Variants in MAP1B observed in about 807,000 individuals in gnomAD.
The protein encoded by MAP1B is microtubule-associated protein 1B.
In MAP1B, 12 loss-of-function variants were observed where a neutral mutation model predicts 176.1. That is an observed-to-expected ratio of 0.07 (90% CI 0.04 to 0.11). MAP1B has a LOEUF of 0.11. Ranked by LOEUF, MAP1B falls within the 10% of genes least tolerant of loss-of-function variation. The pLI is 1.00. For missense variants in MAP1B, 2,523 were observed against 2,990.5 expected (o/e 0.84, Z 3.65); for synonymous variants, 1,044 against 1,135.0 (o/e 0.92, Z 1.61).
At chr5:72,163,983 G>T (rs1287436248) in intron 2 of MAP1B, among the ~76,000 whole-genome samples, 3 of 121,410 alleles carry the variant, frequency 2.5e-5, no homozygotes, top group Non-Finnish European at 4.8e-5. Context: ...ACCCAGACTG[G>T]AGTACAGTGG....
rs375322910 is a variant in MAP1B, at chr5:72,117,939, A to G, written c.286+2140A>G. ...AAGCACATGTCAGATTCAGTTTCAG[A>G]TAAGTGTGTTTTAAAGAGAAGAGAT... is the stretch of plus-strand genomic sequence containing the variant. On this transcript the variant is annotated intron_variant, in intron 2 of 6. Transcript: ENST00000296755. 3.3e-5 allele frequency among the ~76,000 whole-genome samples: 5 copies of G among 152,316 alleles called. No individual in the cohort carries two copies. The South Asian group carries it at 1.0e-3, about 32-fold the overall frequency.
intron 2 of MAP1B, among the ~76,000 whole-genome samples, chr5:72,171,757 G>C (rs1746546452): frequency 6.6e-6 from 1 of 152,130 alleles, no homozygotes; most frequent in African/African-American, 2.4e-5. Flanking sequence ...TGTGCCCCTG[G>C]TGTGCCGAGA....
At chr5:72,189,785 T>C (rs1214476800) in intron 4 of MAP1B, among the ~76,000 whole-genome samples, 2 of 152,128 alleles carry the variant, frequency 1.3e-5, no homozygotes, top group African/African-American at 4.8e-5. Context: ...AGGAGTTTAG[T>C]CCTGGTCATG....
At chr5:72,115,614 T>G in intron 1 of MAP1B, 84 bp from the exon 2 acceptor site, 15 of 816,118 alleles carry the variant, frequency 1.8e-5, no homozygotes, top group Non-Finnish European at 2.8e-5. Context: ...CCTGAAAGCC[T>G]GAGAAATATT....
chr5:72,201,837 A>G (rs993264853), intron 5 of MAP1B, among the ~76,000 whole-genome samples: 2 of 152,226 alleles, frequency 1.3e-5, no homozygotes, highest in African/African-American at 4.8e-5. Flanking sequence ...GCCTTTCTAC[A>G]TGCACATAGA....
intron 1 of MAP1B, among the ~76,000 whole-genome samples, chr5:72,109,246 AAG>A (rs1554050389): frequency 7.0e-6 from 1 of 143,860 alleles, no homozygotes; most frequent in Non-Finnish European, 1.5e-5. Flanking sequence ...AAAAAAAAAA[AAG>A]AAAAAAAATG....
chr5:72,189,241 C>A (rs753782861), intron 4 of MAP1B, among the ~76,000 whole-genome samples: 2 of 152,176 alleles, frequency 1.3e-5, no homozygotes, highest in African/African-American at 2.4e-5. Flanking sequence ...ATTAACAAAA[C>A]CAGAACTAAC....
chr5:72,203,506 A>G, intron 5 of MAP1B, 57 bp from the exon 6 acceptor site: 1 of 1,227,328 alleles, frequency 8.1e-7, no homozygotes, highest in Admixed American at 1.7e-5. Flanking sequence ...CATGTGCTGG[A>G]TGTATGGTCT....
intron 2 of MAP1B, among the ~76,000 whole-genome samples, chr5:72,175,533 G>T (rs1362334248): frequency 6.6e-6 from 1 of 152,120 alleles, no homozygotes; most frequent in Non-Finnish European, 1.5e-5. Flanking sequence ...TCAGCCAGAG[G>T]ATAAAACAGA....
intron 2 of MAP1B, among the ~76,000 whole-genome samples, chr5:72,127,926 A>C (rs1745658333): frequency 6.6e-6 from 1 of 152,230 alleles, no homozygotes; most frequent in African/African-American, 2.4e-5. Flanking sequence ...GATATACTTA[A>C]ATTATTTATA....
intron 2 of MAP1B, among the ~76,000 whole-genome samples, chr5:72,155,185 A>T (rs768468300): frequency 6.6e-6 from 1 of 152,044 alleles, no homozygotes; most frequent in Non-Finnish European, 1.5e-5. Flanking sequence ...AAATTGTTAA[A>T]CTCCTCAAGA....
In MAP1B at chr5:72,196,198, C is replaced by T; in HGVS notation, c.2843C>T (p.Thr948Ile). The T allele has an allele frequency of 6.2e-7, 1 of 1,613,392 alleles. No individual in the cohort carries two copies. The highest frequency in any genetic ancestry group is 8.5e-7 in the Non-Finnish European group (1 of 1,179,980). The change falls in exon 5 of 7, where the codon ACT becomes ATT. Residue 948 changes from threonine to isoleucine, a missense_variant. Coordinates refer to ENST00000296755, the MANE Select transcript of MAP1B (RefSeq NM_005909.5). The surrounding 1 kb of genome is among the most constrained non-coding windows in gnomAD (Gnocchi z 5.3). Reference protein sequence around the residue: ...ETGDYEEKAETEEAEEPEEDG... With the variant: ...ETGDYEEKAEIEEAEEPEEDG... ...GGAGACTATGAAGAGAAGGCAGAAA[C>T]TGAGGAGGCTGAGGAGCCAGAAGAG...
Position 72,205,596 on chromosome 5 carries a change from C to A in MAP1B, c.*357C>A. On this transcript the variant is annotated 3_prime_UTR_variant, in exon 7 of 7. Transcript: ENST00000296755. ...GGGAGAGAGTGAGAGAGAGTGAGAG[C>A]ACAAAGATAACGCAGGAGAGAGAGA... 1 of 172,114 alleles carries A rather than the reference C, an allele frequency of 5.8e-6. No homozygotes were observed. Among genetic ancestry groups the A allele is most frequent in the Non-Finnish European group, 1.2e-5 (1 of 81,136 alleles). The allele number at this position is 172,114 out of a possible 1,614,324, so 10.7% of individuals were successfully genotyped here.
In MAP1B at chr5:72,199,268, T is replaced by C; in HGVS notation, c.5913T>C (p.Gly1971=). Residue 1971 remains glycine, a synonymous_variant, in exon 5 of 7, where the codon GGT becomes GGC. Coordinates refer to ENST00000296755, the MANE Select transcript of MAP1B (RefSeq NM_005909.5). This position sits in a 1 kb window ranked among gnomAD's most constrained non-coding sequence, Gnocchi z 4.2. ...EKTTSPPEVS[G]YSYEKTERSR... is the part of the protein sequence containing the mutation. The stretch of plus-strand genomic sequence containing the variant: ...CCACCAGCCCCCCCGAAGTGAGTGG[T>C]TACAGCTATGAAAAGACTGAGAGGT... 1.2e-6 allele frequency: 2 copies of C among 1,614,058 alleles called. No individual in the cohort carries two copies. The highest frequency in any genetic ancestry group is 1.7e-6 in the Non-Finnish European group (2 of 1,180,010).
At chr5:72,205,029 C>T in intron 6 of MAP1B, 55 bp from the exon 7 acceptor site, 1 of 1,474,548 alleles carries the variant, frequency 6.8e-7, no homozygotes, top group Admixed American at 2.1e-5. Context: ...CAATTTTTTT[C>T]ATATGGTTTC....
chr5:72,117,751 A>G (rs982461697), intron 2 of MAP1B, among the ~76,000 whole-genome samples: 9 of 152,198 alleles, frequency 5.9e-5, no homozygotes, highest in Admixed American at 2.6e-4. Flanking sequence ...ATTCTTGCCA[A>G]TGCTAGAAAG....
rs1242249263 is a variant in MAP1B, at chr5:72,204,545, C to G, written c.7252-539C>G. 6.6e-6 allele frequency among the ~76,000 whole-genome samples: 1 copy of G among 152,008 alleles called. No homozygotes were observed. Among genetic ancestry groups the G allele is most frequent in the African/African-American group, 2.4e-5 (1 of 41,372 alleles). On this transcript the variant is annotated intron_variant, in intron 6 of 6. Coordinates refer to ENST00000296755, the MANE Select transcript of MAP1B (RefSeq NM_005909.5). This position sits in a 1 kb window ranked among gnomAD's most constrained non-coding sequence, Gnocchi z 4.4. The stretch of plus-strand genomic sequence containing the variant: ...TCATATGAAATCTAATGAGAGGCAC[C>G]CAGTGGCTCCCTACTGAATGCTAGA...
rs1747523685 is a variant in MAP1B at position 72,209,542 on chromosome 5, C to A, written c.*4303C>A. On this transcript the variant is annotated 3_prime_UTR_variant, in exon 7 of 7. Coordinates refer to ENST00000296755, the MANE Select transcript of MAP1B (RefSeq NM_005909.5). ...AAGGAAAAAAAAAAACTCAGTTCCA[C>A]AATAAAATACAAAAGTGGCAAAAGT... 2 of 151,904 alleles carry A rather than the reference C, an allele frequency of 1.3e-5. No homozygotes were observed. Among genetic ancestry groups the A allele is most frequent in the Non-Finnish European group, 2.9e-5 (2 of 67,970 alleles). The allele number at this position is 151,904 out of a possible 1,614,324, so 9.4% of individuals were successfully genotyped here. A position where few individuals can be genotyped will look rare whatever the true frequency, so the allele number is the denominator to read the frequency against.
At chr5:72,163,011 C>T (rs575480554) in intron 2 of MAP1B, among the ~76,000 whole-genome samples, 19 of 151,994 alleles carry the variant, frequency 1.3e-4, no homozygotes, top group Non-Finnish European at 2.5e-4. Context: ...GGGCAGATCA[C>T]GAAGTCAGGA....
Sources: allele counts gnomAD v4.1 joint callset (sites outside exome capture counted in the v4.1 genomes callset), GRCh38; gene constraint gnomAD v4.1.1; non-coding constraint Gnocchi (gnomAD v3.1); transcripts MANE v1.5; gene names NCBI Gene and HGNC (gene_info 2026-07-23, HGNC 2026-07-21).